ADGRV1: variants seen among roughly 807,000 people sequenced by gnomAD.
ADGRV1 encodes G-protein coupled receptor 98.
Under a neutral mutation model 596.2 loss-of-function variants are expected in ADGRV1, and 359 were observed. That is an observed-to-expected ratio of 0.60 (90% CI 0.55 to 0.66). ADGRV1 has a LOEUF of 0.66. Ranked by LOEUF, ADGRV1 falls within the 30% of genes least tolerant of loss-of-function variation. The probability of loss-of-function intolerance (pLI) is 0.00; values close to 1 mark genes in which losing one functional copy is unlikely to be tolerated. For synonymous variants in ADGRV1, 2,681 were observed against 2,679.2 expected (o/e 1.00, Z -0.02); for missense variants, 7,274 against 7,575.6 (o/e 0.96, Z 1.48).
In ADGRV1 at chr5:90,675,323, A is replaced by G; in HGVS notation, c.5191A>G (p.Thr1731Ala). Residue 1731 changes from threonine to alanine, a missense_variant, in exon 24 of 90, where the codon ACT (threonine) becomes GCT (alanine). Physicochemically the swap from Thr to Ala is moderately conservative, Grantham distance 58. Coordinates refer to ENST00000405460, the MANE Select transcript of ADGRV1 (RefSeq NM_032119.4). ...GCCTGCAAGCAGCGTTCCACATATC[A>G]CTGTGGAGGAGGAAGATGGAGAAAT... The part of the protein sequence containing the change: ...TLPASSVPHI[T>A]VEEEDGEIRL... The G allele has an allele frequency of 2.5e-6, 4 of 1,613,452 alleles. No individual in the cohort carries two copies. Among genetic ancestry groups the G allele is most frequent in the African/African-American group, 1.3e-5 (1 of 74,992 alleles).
chr5:90,755,936 G>C (rs965127816), intron 55 of ADGRV1, among the ~76,000 whole-genome samples: 1 of 150,722 alleles, frequency 6.6e-6, no homozygotes, highest in African/African-American at 2.4e-5. Context: ...AGTATAATTT[G>C]GGAAAGATAT....
chr5:91,158,482 T>C (rs893114145), intron 89 of ADGRV1, among the ~76,000 whole-genome samples: 3 of 152,208 alleles, frequency 2.0e-5, no homozygotes, highest in Admixed American at 1.3e-4. Context: ...TAGCATCAGA[T>C]GAAAGATCAA....
intron 89 of ADGRV1, among the ~76,000 whole-genome samples, chr5:91,160,654 T>G (rs1291974866): frequency 6.6e-6 from 1 of 152,180 alleles, no homozygotes; most frequent in Non-Finnish European, 1.5e-5. Context: ...GGTTTGAAAT[T>G]TAAGCATGGA....
chr5:90,704,593 A>T (rs1748354216), intron 36 of ADGRV1, 105 bp downstream of exon 36: 1 of 648,566 alleles, frequency 1.5e-6, no homozygotes, highest in African/African-American at 1.8e-5. Flanking sequence ...AATTTTTAAA[A>T]TGTTACTTTA....
intron 17 of ADGRV1, among the ~76,000 whole-genome samples, chr5:90,651,185 G>T (rs1449536084): frequency 6.6e-6 from 1 of 152,012 alleles, no homozygotes; most frequent in African/African-American, 2.4e-5. Context: ...TATGTTATTG[G>T]GTAGTCCTTT....
At chr5:91,141,903 G>A (rs1795132373) in intron 87 of ADGRV1, among the ~76,000 whole-genome samples, 1 of 152,134 alleles carries the variant, frequency 6.6e-6, no homozygotes, top group Non-Finnish European at 1.5e-5. Context: ...CCCGGTTTCA[G>A]CAGAAAAGCC....
At position 90,774,369 on chromosome 5, in the gene ADGRV1, C is replaced by G. The variant is rs1238789990; in HGVS notation, c.12403+66C>G. The G allele has an allele frequency of 3.4e-6, 3 of 879,654 alleles. No homozygotes were observed. The African/African-American group carries it at 5.0e-5, about 15-fold the overall frequency. The allele number at this position is 879,654 out of a possible 1,614,324, so 54.5% of individuals were successfully genotyped here. ...CTCAGAAAAAATGTAATAAAAATAACCCGTAGTTACAAAAATGGACAGGGT... is the reference window on the plus strand; with the variant it reads ...CTCAGAAAAAATGTAATAAAAATAAGCCGTAGTTACAAAAATGGACAGGGT... On this transcript the variant is annotated intron_variant, in intron 60 of 89. Transcript: ENST00000405460.
chr5:90,696,476 C>T (rs1747209193), intron 33 of ADGRV1, among the ~76,000 whole-genome samples: 1 of 152,060 alleles, frequency 6.6e-6, no homozygotes, highest in South Asian at 2.1e-4. Flanking sequence ...ACCACGATTC[C>T]CTAAGTGTTC....
chr5:90,694,015 AC>A lies in ADGRV1; in HGVS notation c.7262del (p.Pro2421HisfsTer7). 1 of 1,613,712 alleles carries A rather than the reference AC, an allele frequency of 6.2e-7. No individual in the cohort carries two copies. The highest frequency in any genetic ancestry group is 8.5e-7 in the Non-Finnish European group (1 of 1,179,796). On this transcript the variant is annotated frameshift_variant, in exon 33 of 90. Transcript: ENST00000405460. LOFTEE classifies it high-confidence loss of function. Reference protein sequence around the residue: ...YYESPIQGVPDPLWRTWMNVS... With the variant: ...YYESPIQGVPXPLWRTWMNVS... ...GAATCTCCAATTCAAGGGGTGCCTG[AC>A]CCACTTTGGAGAACTTGGATGAATG...
At chr5:90,687,150 A>G (rs943678170) in intron 29 of ADGRV1, among the ~76,000 whole-genome samples, 3 of 152,124 alleles carry the variant, frequency 2.0e-5, no homozygotes, top group Non-Finnish European at 4.4e-5. Context: ...ATTTTCTCAC[A>G]TTTTGTAAGT....
chr5:90,721,524 TA>T (rs35921410), intron 45 of ADGRV1, among the ~76,000 whole-genome samples: 14,503 of 47,570 alleles, frequency 0.3, 1,566 homozygotes, highest in African/African-American at 0.45. Context: ...TAAAATAAAA[TA>T]AAAATAAAAA....
At chr5:91,046,595 G>A (rs7449334) in intron 85 of ADGRV1, among the ~76,000 whole-genome samples, 115,425 of 152,104 alleles carry the variant, frequency 0.76, 43,977 homozygotes, top group South Asian at 0.82. Context: ...CCCCTTCTAC[G>A]CATTGGCTCA....
intron 72 of ADGRV1, among the ~76,000 whole-genome samples, chr5:90,806,178 T>G (rs1761884545): frequency 6.6e-6 from 1 of 152,164 alleles, no homozygotes; most frequent in Non-Finnish European, 1.5e-5. Flanking sequence ...GAATGAAAGC[T>G]AAGGTCCTAT....
rs762102733 is a variant in ADGRV1 at position 90,745,803 on chromosome 5, T to C, written c.10974+8T>C. 5 of 1,469,066 alleles carry C rather than the reference T, an allele frequency of 3.4e-6. No individual in the cohort carries two copies. The highest frequency in any genetic ancestry group is 2.3e-5 in the East Asian group (1 of 44,112). The allele number at this position is 1,469,066 out of a possible 1,614,324, so 91.0% of individuals were successfully genotyped here. On this transcript the variant is annotated splice_region_variant and intron_variant, in intron 52 of 89. Transcript: ENST00000405460. ...ATTGTTGCATTTGCTCAGGTAATGA[T>C]ACTGAAGACCCCACACTTGCAATGC...
intron 81 of ADGRV1, 81 bp downstream of exon 81, chr5:90,854,282 C>A: frequency 2.0e-6 from 2 of 996,388 alleles, no homozygotes; most frequent in Non-Finnish European, 2.9e-6. Flanking sequence ...TTGTACTGAG[C>A]ATAGATGGTG....
At position 90,637,724 on chromosome 5, in the gene ADGRV1, G is replaced by T; in HGVS notation, c.2017-1G>T. 2 of 1,578,436 alleles carry T rather than the reference G, an allele frequency of 1.3e-6. No homozygotes were observed. Among genetic ancestry groups the T allele is most frequent in the Non-Finnish European group, 8.6e-7 (1 of 1,163,624 alleles). On this transcript the variant is annotated splice_acceptor_variant, in intron 10 of 89. Coordinates refer to ENST00000405460, the MANE Select transcript of ADGRV1 (RefSeq NM_032119.4). LOFTEE classifies it high-confidence loss of function. ...TTGTTCTGTTCTTTTCTTTTTATAA[G>T]GTATACATTCCCTTACATCGGGATG...
At chr5:91,074,397 A>G (rs1182311428) in intron 86 of ADGRV1, among the ~76,000 whole-genome samples, 1 of 151,814 alleles carries the variant, frequency 6.6e-6, no homozygotes, top group Non-Finnish European at 1.5e-5. Context: ...CTCAATATTT[A>G]CTCCCACTTA....
intron 87 of ADGRV1, among the ~76,000 whole-genome samples, chr5:91,138,055 T>G (rs987119439): frequency 6.6e-6 from 1 of 152,098 alleles, no homozygotes; most frequent in Non-Finnish European, 1.5e-5. Context: ...AATGGGGTGA[T>G]GCTAATAAAA....
chr5:90,559,366 CTTGT>C (rs1725119339), intron 1 of ADGRV1, among the ~76,000 whole-genome samples: 1 of 152,074 alleles, frequency 6.6e-6, no homozygotes, highest in Admixed American at 6.5e-5. Flanking sequence ...CTTAAGGAGA[CTTGT>C]TTGTGTTCCA....
Sources: allele counts gnomAD v4.1 joint callset (sites outside exome capture counted in the v4.1 genomes callset), GRCh38; gene constraint gnomAD v4.1.1; transcripts MANE v1.5; gene names NCBI Gene and HGNC (gene_info 2026-07-23, HGNC 2026-07-21).